The following MMRN1 variants were observed in gnomAD, a reference collection of about 807,000 sequenced individuals.
MMRN1 encodes the protein multimerin 1.
Under a neutral mutation model 100.7 loss-of-function variants are expected in MMRN1, and 94 were observed. That is an observed-to-expected ratio of 0.93 (90% CI 0.79 to 1.11). The LOEUF is 1.11. MMRN1 is among the 50% of genes least tolerant of loss of function. MMRN1 has a pLI of 0.00. For missense variants in MMRN1, 1,606 were observed against 1,439.1 expected (o/e 1.12, Z -1.88); for synonymous variants, 575 against 505.0 (o/e 1.14, Z -1.86).
chr4:89,899,781 A>G (rs995337896), intron 1 of MMRN1, among the ~76,000 whole-genome samples: 2 of 151,976 alleles, frequency 1.3e-5, no homozygotes, highest in African/African-American at 2.4e-5. Context: ...TAATCTATCA[A>G]AAAGTCTTGT....
rs749675073 is a variant in MMRN1 at position 89,936,022 on chromosome 4, G to A, written c.2342G>A (p.Arg781His). 6.8e-5 allele frequency: 109 copies of A among 1,612,846 alleles called. No individual in the cohort carries two copies. The highest frequency in any genetic ancestry group is 8.1e-5 in the Non-Finnish European group (95 of 1,179,540). Residue 781 changes from arginine to histidine, a missense_variant, in exon 6 of 8, where the codon CGT becomes CAT. Arg to His is a conservative substitution (Grantham distance 29, BLOSUM62 0). Transcript: ENST00000264790. ...TILTFIPQFH[R>H]LNDSIQTLVN... ...TTGACATTTATTCCTCAGTTCCACC[G>A]TCTGAATGATTCTATTCAGACTTTG...
intron 1 of MMRN1, among the ~76,000 whole-genome samples, chr4:89,886,222 G>C (rs1011151375): frequency 2.0e-5 from 3 of 151,756 alleles, no homozygotes; most frequent in African/African-American, 7.3e-5. Context: ...GGTATTTCAA[G>C]TGACAAAATT....
Position 89,923,243 on chromosome 4 carries a change from A to C in MMRN1, c.926A>C (p.Gln309Pro). ...GCTGTTGGCAGAGGAGTAGCTGAGC[A>C]GCAGCAGCAGCAAGGCTGTGGTGAC... is the stretch of plus-strand genomic sequence containing the variant. The part of the protein sequence containing the change: ...HTAVGRGVAE[Q>P]QQQQGCGDPE... The change falls in exon 4 of 8, where the codon CAG becomes CCG. Residue 309 changes from glutamine to proline, a missense_variant. By Grantham distance (76) the Gln-to-Pro change is moderately conservative. Coordinates refer to ENST00000264790, the MANE Select transcript of MMRN1 (RefSeq NM_007351.3). 6.2e-7 allele frequency: 1 copy of C among 1,613,992 alleles called. No homozygotes were observed. Among genetic ancestry groups the C allele is most frequent in the Non-Finnish European group, 8.5e-7 (1 of 1,179,834 alleles).
At position 89,951,234 on chromosome 4, in the gene MMRN1, G is replaced by A. The variant is rs1471215065; in HGVS notation, c.3119-371G>A. Among the ~76,000 whole-genome samples, 5 of 152,112 alleles carry A rather than the reference G, an allele frequency of 3.3e-5. No individual in the cohort carries two copies. The East Asian group carries it at 9.6e-4, about 29-fold the overall frequency. The stretch of plus-strand genomic sequence containing the variant: ...ATATTCAATACCACCTTAGCACCAT[G>A]TATCGAACAGATATTTTTCTTCTCA... On this transcript the variant is annotated intron_variant, in intron 6 of 7. Transcript: ENST00000264790.
chr4:89,943,296 T>C (rs115991281), intron 6 of MMRN1, among the ~76,000 whole-genome samples: 214 of 152,292 alleles, frequency 1.4e-3, no homozygotes, highest in African/African-American at 5.1e-3. Flanking sequence ...CTAAATTCGG[T>C]GACTTTATTG....
At chr4:89,900,674 G>A (rs187512435) in intron 1 of MMRN1, among the ~76,000 whole-genome samples, 265 of 152,178 alleles carry the variant, frequency 1.7e-3, no homozygotes, top group Non-Finnish European at 3.1e-3. Context: ...AGTGCCAGGT[G>A]CATAGAAAGA....
At chr4:89,902,176 T>C (rs1250250604) in intron 1 of MMRN1, 1 of 40,898 alleles carries the variant, frequency 2.4e-5, no homozygotes, top group Admixed American at 3.4e-4. Flanking sequence ...GGGACTGTGG[T>C]GGGGTAGGGG....
Position 89,951,718 on chromosome 4 carries a change from AT to A in MMRN1, c.3233del (p.Ile1078ThrfsTer9). 3.1e-6 allele frequency: 5 copies of A among 1,612,808 alleles called. No individual in the cohort carries two copies. The highest frequency in any genetic ancestry group is 4.2e-6 in the Non-Finnish European group (5 of 1,179,494). ...TCCTTTTACTGGTGACAACTGCACT[AT>A]CAAGCTTGTGGAAGAAAATGCTTTA... is the stretch of plus-strand genomic sequence containing the variant. ...RHPFTGDNCT[I>X]KLVEENALAP... On this transcript the variant is annotated frameshift_variant, in exon 7 of 8. Transcript: ENST00000264790. LOFTEE classifies it high-confidence loss of function.
At chr4:89,911,289 A>G (rs1288954229) in intron 2 of MMRN1, among the ~76,000 whole-genome samples, 1 of 151,446 alleles carries the variant, frequency 6.6e-6, no homozygotes, top group Non-Finnish European at 1.5e-5. Context: ...TTGAACTGCT[A>G]TAGTTTCCAT....
intron 5 of MMRN1, among the ~76,000 whole-genome samples, chr4:89,931,334 T>A (rs2110626787): frequency 6.6e-6 from 1 of 152,292 alleles, no homozygotes; most frequent in South Asian, 2.1e-4. Flanking sequence ...TGTAAGTCCC[T>A]CATGTATGTT....
chr4:89,945,697 C>A (rs1722966354), intron 6 of MMRN1, among the ~76,000 whole-genome samples: 2 of 152,030 alleles, frequency 1.3e-5, no homozygotes, highest in African/African-American at 2.4e-5. Context: ...ATTTAATTTC[C>A]TAGGTCACAG....
rs891950643 is a variant in MMRN1, at chr4:89,882,525, AT to A, written c.-249+2930del. ...TGAAGTTTTCTTAATGCTCTTTTGCATTTTTTTCCTCCATTTAATGTCCTAG... is the reference window on the plus strand; with the variant it reads ...TGAAGTTTTCTTAATGCTCTTTTGCATTTTTTCCTCCATTTAATGTCCTAG... On this transcript the variant is annotated intron_variant, in intron 1 of 8. Coordinates refer to the MMRN1 transcript ENST00000394980. Among the ~76,000 whole-genome samples, 10 of 151,784 alleles carry A rather than the reference AT, an allele frequency of 6.6e-5. No individual in the cohort carries two copies. In the South Asian group the frequency reaches 1.0e-3, roughly 16 times the overall value.
rs1354359306 is a variant in MMRN1 at position 89,954,086 on chromosome 4, C to A, written c.*668C>A. ...TATATGAGTGGATCATTTACCGCCC[C>A]CCGCCCCACAACATCTATAAGGGGC... On this transcript the variant is annotated 3_prime_UTR_variant, in exon 8 of 8. Coordinates refer to ENST00000264790, the MANE Select transcript of MMRN1 (RefSeq NM_007351.3). 2 of 152,116 alleles carry A rather than the reference C, an allele frequency of 1.3e-5. No individual in the cohort carries two copies. The highest frequency in any genetic ancestry group is 4.8e-5 in the African/African-American group (2 of 41,396). The allele number at this position is 152,116 out of a possible 1,614,324, so 9.4% of individuals were successfully genotyped here. A position where few individuals can be genotyped will look rare whatever the true frequency, so the allele number is the denominator to read the frequency against.
At chr4:89,894,407 A>G (rs1002038098), upstream of MMRN1, among the ~76,000 whole-genome samples, 5 of 152,196 alleles carry the variant, frequency 3.3e-5, no homozygotes, top group African/African-American at 1.2e-4. Context: ...ATGAAAGGAT[A>G]GAGACACTGT....
chr4:89,944,983 C>T (rs1489145698), intron 6 of MMRN1, among the ~76,000 whole-genome samples: 2 of 152,102 alleles, frequency 1.3e-5, no homozygotes, highest in African/African-American at 4.8e-5. Flanking sequence ...CATCACCACC[C>T]CAAATTTCCT....
intron 1 of MMRN1, 124 bp downstream of exon 1, chr4:89,895,718 AT>A: frequency 7.1e-7 from 1 of 1,398,930 alleles, no homozygotes; most frequent in South Asian, 1.6e-5. Context: ...CATATTTATA[AT>A]TTCACCATTT....
chr4:89,894,760 T>G, upstream of MMRN1: 1 of 701,786 alleles, frequency 1.4e-6, no homozygotes, highest in Non-Finnish European at 2.1e-6. Context: ...CATAGAGCCA[T>G]CCCACTAGAG....
At chr4:89,949,582 A>G (rs1158474181) in intron 6 of MMRN1, among the ~76,000 whole-genome samples, 1 of 152,256 alleles carries the variant, frequency 6.6e-6, no homozygotes, top group Non-Finnish European at 1.5e-5. Context: ...ATCTATTCAC[A>G]TGCAGCAAAG....
chr4:89,907,331 A>G (rs557846234), intron 1 of MMRN1, among the ~76,000 whole-genome samples: 1 of 151,644 alleles, frequency 6.6e-6, no homozygotes, highest in Non-Finnish European at 1.5e-5. Flanking sequence ...GAACACAATA[A>G]GTTCTGTAGA....
Sources: allele counts gnomAD v4.1 joint callset (sites outside exome capture counted in the v4.1 genomes callset), GRCh38; gene constraint gnomAD v4.1.1; transcripts MANE v1.5; gene names NCBI Gene and HGNC (gene_info 2026-07-23, HGNC 2026-07-21).